USP15: variants seen among roughly 807,000 people sequenced by gnomAD.
The protein encoded by USP15 is ubiquitin carboxyl-terminal hydrolase 15.
A neutral mutation model predicts 127.1 loss-of-function variants in USP15; 18 were observed. That is an observed-to-expected ratio of 0.14 (90% CI 0.10 to 0.21). The LOEUF is 0.21. USP15 is among the 10% of genes least tolerant of loss of function. USP15 has a pLI of 1.00. For missense variants in USP15, 805 were observed against 1,159.9 expected, an observed-to-expected ratio of 0.69 and a Z score of 4.44; for synonymous variants, 364 against 393.7, an observed-to-expected ratio of 0.92 and a Z score of 0.89.
At chr12:62,279,755 C>T (rs911721725) in intron 1 of USP15, among the ~76,000 whole-genome samples, 6 of 152,050 alleles carry the variant, frequency 3.9e-5, no homozygotes, top group Admixed American at 2.6e-4. Context: ...AGAAAAGAAC[C>T]GACTGCATGT....
intron 6 of USP15, among the ~76,000 whole-genome samples, chr12:62,342,456 G>A (rs2065674562): frequency 6.6e-6 from 1 of 152,092 alleles, no homozygotes; most frequent in African/African-American, 2.4e-5. Context: ...CCTTGCTGGA[G>A]AGGAGTTGTG....
At chr12:62,287,492 T>C (rs931064088) in intron 1 of USP15, among the ~76,000 whole-genome samples, 1 of 152,206 alleles carries the variant, frequency 6.6e-6, no homozygotes, top group African/African-American at 2.4e-5. Context: ...GAGGCATAGA[T>C]TACAGATGTT....
chr12:62,286,726 T>C (rs1259647128), intron 1 of USP15, among the ~76,000 whole-genome samples: 4 of 151,870 alleles, frequency 2.6e-5, no homozygotes, highest in African/African-American at 9.7e-5. Context: ...TCACCTGAGG[T>C]CAGGAGTTCG....
At chr12:62,288,653 G>A (rs2063855991) in intron 1 of USP15, among the ~76,000 whole-genome samples, 1 of 152,000 alleles carries the variant, frequency 6.6e-6, no homozygotes, top group Non-Finnish European at 1.5e-5. Context: ...GTGTAAGTGG[G>A]CATTTTTGTC....
In USP15 at chr12:62,260,429, A is replaced by T; in HGVS notation, c.15A>T (p.Gly5=). 1 of 1,551,354 alleles carries T rather than the reference A, an allele frequency of 6.4e-7. No homozygotes were observed. The highest frequency in any genetic ancestry group is 1.4e-5 in the African/African-American group (1 of 73,182). ...AGTGGAAGAAGATGGCGGAAGGCGG[A>T]GCGGCGGATCTGGACACCCAGCGGT... MAEG[G]AADLDTQRSD... is the part of the protein sequence containing the mutation. Residue 5 remains glycine, a synonymous_variant, in exon 1 of 22, where the codon GGA becomes GGT. Transcript: ENST00000280377.
At chr12:62,298,559 A>G (rs1592529074) in intron 2 of USP15, among the ~76,000 whole-genome samples, 1 of 152,156 alleles carries the variant, frequency 6.6e-6, no homozygotes, top group South Asian at 2.1e-4. Flanking sequence ...CCATCTACTC[A>G]GGAGGCTGAG....
Position 62,294,272 on chromosome 12 carries a change from T to C in USP15, c.183T>C (p.Tyr61=). The part of the protein sequence containing the change: ...DKYQMGDQNV[Y]PGPIDNSGLL... ...ACCAGATGGGAGATCAAAATGTGTA[T>C]CCTGGACCCATTGATAACTCTGGAC... Residue 61 remains tyrosine (Y), a synonymous_variant, in exon 2 of 22, where the codon TAT becomes TAC. Transcript: ENST00000280377. 1.9e-6 allele frequency: 3 copies of C among 1,612,984 alleles called. No homozygotes were observed. Among genetic ancestry groups the C allele is most frequent in the Non-Finnish European group, 2.5e-6 (3 of 1,179,620 alleles).
At chr12:62,399,409 T>C (rs2067605110) in intron 20 of USP15, among the ~76,000 whole-genome samples, 2 of 152,214 alleles carry the variant, frequency 1.3e-5, no homozygotes, top group Admixed American at 1.3e-4. Flanking sequence ...TTGTCAAATA[T>C]TTTGTTAGCC....
intron 3 of USP15, among the ~76,000 whole-genome samples, chr12:62,309,147 G>A (rs1484690650): frequency 2.8e-5 from 4 of 144,628 alleles, no homozygotes; most frequent in African/African-American, 1.1e-4. Context: ...GTAGAGAGCA[G>A]TGAAATTAGA....
At chr12:62,377,442 A>T (rs1404375727) in intron 8 of USP15, among the ~76,000 whole-genome samples, 2 of 152,236 alleles carry the variant, frequency 1.3e-5, no homozygotes, top group South Asian at 2.1e-4. Flanking sequence ...GGCTTCAGCC[A>T]GGTGCGGTGG....
chr12:62,326,736 T>C (rs2065139185), intron 6 of USP15, among the ~76,000 whole-genome samples: 1 of 152,212 alleles, frequency 6.6e-6, no homozygotes, highest in Admixed American at 6.5e-5. Flanking sequence ...TGTGAACATA[T>C]ATTTTGAAAT....
intron 20 of USP15, among the ~76,000 whole-genome samples, chr12:62,399,745 T>G (rs988453770): frequency 2.0e-5 from 3 of 152,222 alleles, no homozygotes; most frequent in Non-Finnish European, 4.4e-5. Flanking sequence ...TTCTTCCACA[T>G]GGTAGTTACT....
chr12:62,315,420 A>T (rs1045853749), intron 4 of USP15, among the ~76,000 whole-genome samples: 48 of 152,054 alleles, frequency 3.2e-4, no homozygotes, highest in African/African-American at 1.0e-3. Flanking sequence ...TATATATTAA[A>T]ATATATATAA....
In USP15 at chr12:62,407,096, G is replaced by A. The variant is rs2067891334; in HGVS notation, c.*2721G>A. The A allele has an allele frequency of 6.6e-6, 1 of 152,126 alleles. No homozygotes were observed. Among genetic ancestry groups the A allele is most frequent in the South Asian group, 2.1e-4 (1 of 4,828 alleles). 9.4% of individuals were successfully genotyped at this position (152,126 alleles called of 1,614,324 possible). A position where few individuals can be genotyped will look rare whatever the true frequency, so the allele number is the denominator to read the frequency against. On this transcript the variant is annotated 3_prime_UTR_variant, in exon 22 of 22. Coordinates refer to ENST00000280377, the MANE Select transcript of USP15 (RefSeq NM_001252078.2). ...AATCTTTGATAGTGTTTCTTTACCT[G>A]TAGAATAATGATGATAATAGCCAGC...
chr12:62,301,309 G>A (rs7135737), intron 2 of USP15, among the ~76,000 whole-genome samples: 128,505 of 152,136 alleles, frequency 0.84, 54,444 homozygotes, highest in African/African-American at 0.89. Flanking sequence ...TACGTTTATT[G>A]TAGAGCCCAG....
intron 2 of USP15, among the ~76,000 whole-genome samples, chr12:62,296,578 A>G (rs113507357): frequency 6.6e-4 from 101 of 152,316 alleles, no homozygotes; most frequent in Non-Finnish European, 1.3e-3. Flanking sequence ...TGTGAAGAAG[A>G]GTGATGTCAG....
chr12:62,325,802 A>T (rs1592591804), intron 5 of USP15, 70 bp from the exon 6 acceptor site: 1 of 1,303,352 alleles, frequency 7.7e-7, no homozygotes, highest in Non-Finnish European at 1.1e-6. Context: ...TAGTTTATCC[A>T]GCTATCTTCT....
At chr12:62,367,713 G>A (rs1036891525) in intron 8 of USP15, among the ~76,000 whole-genome samples, 6 of 151,022 alleles carry the variant, frequency 4.0e-5, no homozygotes, top group Non-Finnish European at 8.9e-5. Context: ...TTCTTTATTA[G>A]TCTGGCTAGC....
chr12:62,320,079 A>G (rs1047107712), intron 4 of USP15, among the ~76,000 whole-genome samples: 1 of 152,110 alleles, frequency 6.6e-6, no homozygotes, highest in Non-Finnish European at 1.5e-5. Context: ...AATAAAAAGA[A>G]CAAAAAGAAA....
Sources: allele counts gnomAD v4.1 joint callset (sites outside exome capture counted in the v4.1 genomes callset), GRCh38; gene constraint gnomAD v4.1.1; transcripts MANE v1.5; gene names NCBI Gene and HGNC (gene_info 2026-07-23, HGNC 2026-07-21).